STRBP: variants seen among roughly 807,000 people sequenced by gnomAD.
STRBP encodes spermatid perinuclear RNA-binding protein.
Under a neutral mutation model 80.1 loss-of-function variants are expected in STRBP, and 13 were observed. The ratio of observed to expected loss-of-function variants is 0.16; its 90% CI spans 0.11 to 0.26. The LOEUF is 0.26. Ranked by LOEUF, STRBP falls within the 10% of genes least tolerant of loss-of-function variation. STRBP has a pLI of 1.00. For synonymous variants in STRBP, 284 were observed against 291.2 expected (o/e 0.98, Z 0.25); for missense variants, 485 against 815.2 (o/e 0.59, Z 4.93).
intron 1 of STRBP, among the ~76,000 whole-genome samples, chr9:123,263,923 T>C (rs374958077): frequency 1.3e-4 from 20 of 152,376 alleles, no homozygotes; most frequent in Non-Finnish European, 2.8e-4. Context: ...CTCACGCCTG[T>C]AATCCCAGCA....
chr9:123,123,214 C>T lies in STRBP; in HGVS notation c.*2383G>A, dbSNP rs747234129. 8 of 985,290 alleles carry T rather than the reference C, an allele frequency of 8.1e-6. No individual in the cohort carries two copies. Among genetic ancestry groups the T allele is most frequent in the Non-Finnish European group, 8.4e-6 (7 of 829,928 alleles). 61.0% of individuals were successfully genotyped at this position (985,290 alleles called of 1,614,324 possible). On this transcript the variant is annotated 3_prime_UTR_variant, in exon 19 of 19. Transcript: ENST00000348403. ...TAGGGGCTGTCAATGAAAAAACCACCTACAGTGGAGAAAAGAGCAGAGAAG... is the reference window on the plus strand; with the variant it reads ...TAGGGGCTGTCAATGAAAAAACCACTTACAGTGGAGAAAAGAGCAGAGAAG...
chr9:123,133,602 G>A (rs1025357413), intron 16 of STRBP, among the ~76,000 whole-genome samples: 5 of 151,740 alleles, frequency 3.3e-5, no homozygotes, highest in East Asian at 1.9e-4. Flanking sequence ...GCAATGGTGC[G>A]ATCTCGACTC....
rs147803012 is a variant in STRBP, at chr9:123,242,320, T to C, written c.-301-5354A>G. Among the ~76,000 whole-genome samples the C allele has an allele frequency of 5.3e-3, 813 of 152,300 alleles. 3 individuals are homozygous for C. The highest frequency in any genetic ancestry group is 0.014 in the Middle Eastern group (4 of 294). On this transcript the variant is annotated intron_variant, in intron 1 of 18. Coordinates refer to ENST00000348403, the MANE Select transcript of STRBP (RefSeq NM_018387.5). ...GTATTCTGGTGCCTAAAACAGTGCC[T>C]GGCCCATAACAGAAGTTCATAAAGA...
intron 2 of STRBP, among the ~76,000 whole-genome samples, chr9:123,233,442 G>A (rs568011712): frequency 6.6e-6 from 1 of 152,258 alleles, no homozygotes; most frequent in South Asian, 2.1e-4. Flanking sequence ...TTATATGTAT[G>A]TCAAAATGTT....
At position 123,230,866 on chromosome 9, in the gene STRBP, T is replaced by G. The variant is rs146834719; in HGVS notation, c.-165+5964A>C. ...TATTTTAATGAAAAGCGTACACACT[T>G]TTTTAAATTTCTGGTATTAGTAGGG... On this transcript the variant is annotated intron_variant, in intron 2 of 18. Transcript: ENST00000348403. Among the ~76,000 whole-genome samples, 304 of 152,328 alleles carry G rather than the reference T, an allele frequency of 2.0e-3. 3 individuals are homozygous for G. The highest frequency in any genetic ancestry group is 7.0e-3 in the African/African-American group (293 of 41,576).
intron 2 of STRBP, among the ~76,000 whole-genome samples, chr9:123,225,797 T>C (rs1164411303): frequency 3.9e-5 from 6 of 152,304 alleles, no homozygotes; most frequent in Non-Finnish European, 1.5e-5. Context: ...CATAAGTTCC[T>C]TTCCCAGACT....
chr9:123,119,949 G>A (rs1268155781), downstream of STRBP, among the ~76,000 whole-genome samples: 1 of 152,100 alleles, frequency 6.6e-6, no homozygotes, highest in African/African-American at 2.4e-5. Flanking sequence ...AAAGATCGCT[G>A]CTTCAAAGCA....
At chr9:123,268,134 C>T (rs954952829) in intron 1 of STRBP, among the ~76,000 whole-genome samples, 1 of 151,790 alleles carries the variant, frequency 6.6e-6, no homozygotes, top group African/African-American at 2.4e-5. Flanking sequence ...ACCCTGCCCA[C>T]GCCCTCCCCT....
At chr9:123,264,725 C>T (rs2041232443) in intron 1 of STRBP, among the ~76,000 whole-genome samples, 1 of 152,180 alleles carries the variant, frequency 6.6e-6, no homozygotes, top group Non-Finnish European at 1.5e-5. Context: ...CCTAAATAAC[C>T]TGCTTTCCTT....
intron 1 of STRBP, among the ~76,000 whole-genome samples, chr9:123,265,343 C>T (rs2041244844): frequency 6.6e-6 from 1 of 152,160 alleles, no homozygotes. Context: ...CCTAAATCGA[C>T]AAAAGAAGAA....
chr9:123,224,857 T>TC (rs1410595954), intron 2 of STRBP, among the ~76,000 whole-genome samples: 1 of 152,170 alleles, frequency 6.6e-6, no homozygotes, highest in East Asian at 1.9e-4. Flanking sequence ...TTAGTTTCAC[T>TC]CCATGTTACA....
chr9:123,261,702 C>A (rs1013822311), intron 1 of STRBP, among the ~76,000 whole-genome samples: 8 of 152,206 alleles, frequency 5.3e-5, no homozygotes, highest in African/African-American at 1.9e-4. Context: ...GCATTATAAG[C>A]TCATTCACAG....
At chr9:123,129,993 T>G (rs1412345204) in intron 17 of STRBP, among the ~76,000 whole-genome samples, 2 of 152,166 alleles carry the variant, frequency 1.3e-5, no homozygotes, top group East Asian at 1.9e-4. Context: ...GCTATCAAAT[T>G]TATTCCAGAA....
chr9:123,227,132 G>A (rs973347480), intron 2 of STRBP, among the ~76,000 whole-genome samples: 6 of 152,158 alleles, frequency 3.9e-5, no homozygotes, highest in African/African-American at 7.2e-5. Context: ...CTTTTTGGGA[G>A]ACGCATTCAA....
In STRBP at chr9:123,124,717, T is replaced by C. The variant is rs1218062813; in HGVS notation, c.*880A>G. On this transcript the variant is annotated 3_prime_UTR_variant, in exon 19 of 19. Coordinates refer to ENST00000348403, the MANE Select transcript of STRBP (RefSeq NM_018387.5). ...CACAAGAACAAGAGAGGGTGATTGA[T>C]TGATTAATTTATTATTTTTAAAAAC... 5 of 985,274 alleles carry C rather than the reference T, an allele frequency of 5.1e-6. No individual in the cohort carries two copies. Among genetic ancestry groups the C allele is most frequent in the East Asian group, 2.3e-4 (2 of 8,830 alleles). 61.0% of individuals were successfully genotyped at this position (985,274 alleles called of 1,614,324 possible). A position where few individuals can be genotyped will look rare whatever the true frequency, so the allele number is the denominator to read the frequency against.
intron 2 of STRBP, among the ~76,000 whole-genome samples, chr9:123,116,558 G>GA: frequency 6.6e-6 from 1 of 152,194 alleles, no homozygotes; most frequent in Non-Finnish European, 1.5e-5. Flanking sequence ...AACGAGCCCA[G>GA]AAAGTCTGGA....
At chr9:123,150,099 A>T (rs1797832054) in intron 11 of STRBP, among the ~76,000 whole-genome samples, 1 of 152,226 alleles carries the variant, frequency 6.6e-6, no homozygotes, top group South Asian at 2.1e-4. Flanking sequence ...ATTTGGAGAA[A>T]GAGTCCCAGG....
rs1244813672 is a variant in STRBP, at chr9:123,179,100, T to C, written c.131A>G (p.His44Arg). The stretch of plus-strand genomic sequence containing the variant: ...TGTTTCATCCAACCAATCTGAGACA[T>C]GTTTAAGAGCACATTCAACAGTAGA... ...MVSTVECALKHVSDWLDETNK... is the reference protein window; with the variant it reads ...MVSTVECALKRVSDWLDETNK... Residue 44 changes from histidine to arginine, a missense_variant, in exon 4 of 19, where the codon CAT becomes CGT. This residue lies in a region of STRBP where 377 missense variants were observed against 616.1 expected (regional missense o/e 0.61). Transcript: ENST00000348403. 1 of 1,614,188 alleles carries C rather than the reference T, an allele frequency of 6.2e-7. No homozygotes were observed. The highest frequency in any genetic ancestry group is 2.2e-5 in the East Asian group (1 of 44,884).
chr9:123,129,761 A>G (rs2036056454), intron 17 of STRBP, among the ~76,000 whole-genome samples: 1 of 152,214 alleles, frequency 6.6e-6, no homozygotes, highest in Non-Finnish European at 1.5e-5. Flanking sequence ...GTTTGAGACA[A>G]CGCATTCAAA....
Sources: gnomAD v4.1 joint callset for allele counts (sites outside exome capture counted in the v4.1 genomes callset) on GRCh38, gnomAD v4.1.1 for gene constraint, gnomAD v4.1.1 regional missense constraint, MANE v1.5 for transcripts, NCBI Gene and HGNC (gene_info 2026-07-23, HGNC 2026-07-21) for gene names.